MTHFD2L: variants seen among roughly 807,000 people sequenced by gnomAD.
The protein encoded by MTHFD2L is bifunctional methylenetetrahydrofolate dehydrogenase/cyclohydrolase 2, mitochondrial.
MTHFD2L carries 29 observed loss-of-function variants against 34.9 expected under a neutral mutation model. The observed-to-expected ratio is 0.83, with a 90% CI of 0.62 to 1.13. MTHFD2L has a LOEUF of 1.13. Ranked by LOEUF, MTHFD2L falls within the 50% of genes most tolerant of loss-of-function variation. The pLI is 0.00. For synonymous variants in MTHFD2L, 167 were observed against 155.7 expected (o/e 1.07, Z -0.54); for missense variants, 481 against 446.5 (o/e 1.08, Z -0.70).
chr4:74,232,312 T>C (rs1222364356), intron 6 of MTHFD2L, among the ~76,000 whole-genome samples: 1 of 152,160 alleles, frequency 6.6e-6, no homozygotes, highest in Admixed American at 6.5e-5. Flanking sequence ...CCTGGATGAA[T>C]TCCTTATTGC....
rs1038038658 is a variant in MTHFD2L at position 74,199,695 on chromosome 4, G to A, written c.452-99G>A. On this transcript the variant is annotated intron_variant, in intron 3 of 7. Coordinates refer to ENST00000325278, the MANE Select transcript of MTHFD2L (RefSeq NM_001144978.3). ...ATGACTTTACACCTTTTTTAGAGCC[G>A]AATTATAAGTGATGTGGCTTTAGAT... is the stretch of plus-strand genomic sequence containing the variant. 74 of 1,027,906 alleles carry A rather than the reference G, an allele frequency of 7.2e-5. 1 individual carries two copies. The Middle Eastern group carries it at 2.0e-3, about 28-fold the overall frequency. 63.7% of individuals were successfully genotyped at this position (1,027,906 alleles called of 1,614,324 possible).
intron 1 of MTHFD2L, among the ~76,000 whole-genome samples, chr4:74,131,960 A>G (rs953753623): frequency 6.6e-6 from 1 of 152,242 alleles, no homozygotes; most frequent in African/African-American, 2.4e-5. Flanking sequence ...GAAGACATTT[A>G]TGCGGCCAAA....
At chr4:74,221,324 A>G (rs528662479) in intron 5 of MTHFD2L, among the ~76,000 whole-genome samples, 62 of 151,872 alleles carry the variant, frequency 4.1e-4, no homozygotes, top group Non-Finnish European at 7.2e-4. Flanking sequence ...TAAGTTATTG[A>G]CATTTTCTGT....
chr4:74,196,158 G>A (rs1022535406), intron 3 of MTHFD2L, among the ~76,000 whole-genome samples: 1 of 152,134 alleles, frequency 6.6e-6, no homozygotes, highest in Non-Finnish European at 1.5e-5. Flanking sequence ...CTGAACTAGT[G>A]TGCTAAGTAT....
In MTHFD2L at chr4:74,243,821, G is replaced by A. The variant is rs865773733; in HGVS notation, c.805+18427G>A. 1.1e-4 allele frequency among the ~76,000 whole-genome samples: 16 copies of A among 152,074 alleles called. 1 individual carries two copies. Among genetic ancestry groups the A allele is most frequent in the African/African-American group, 1.9e-4 (8 of 41,406 alleles). ...AGCATTTTTATTCTCTCAAAGCACC[G>A]GTTCTTTCTTGACTTTGGCTTGTAC... On this transcript the variant is annotated intron_variant, in intron 6 of 7. Coordinates refer to ENST00000325278, the MANE Select transcript of MTHFD2L (RefSeq NM_001144978.3).
chr4:74,237,822 A>C (rs763946197), intron 6 of MTHFD2L, among the ~76,000 whole-genome samples: 14 of 152,202 alleles, frequency 9.2e-5, no homozygotes, highest in Non-Finnish European at 1.6e-4. Context: ...GCACCTGCAG[A>C]GTTCAAAAAA....
intron 1 of MTHFD2L, among the ~76,000 whole-genome samples, chr4:74,126,335 A>C (rs1363549184): frequency 3.9e-5 from 6 of 152,196 alleles, no homozygotes; most frequent in African/African-American, 1.4e-4. Flanking sequence ...TATGTGAACT[A>C]TATATACATT....
At chr4:74,272,105 G>A (rs191698386) in intron 6 of MTHFD2L, among the ~76,000 whole-genome samples, 1 of 152,284 alleles carries the variant, frequency 6.6e-6, no homozygotes, top group Admixed American at 6.5e-5. Flanking sequence ...GTATTGGTAA[G>A]TCTACGTCGC....
chr4:74,238,977 A>G (rs1560519698), intron 6 of MTHFD2L, among the ~76,000 whole-genome samples: 1 of 152,234 alleles, frequency 6.6e-6, no homozygotes, highest in Admixed American at 6.5e-5. Context: ...CAGCGATCCC[A>G]TTACTGGGTA....
At chr4:74,130,794 A>G (rs1428531591) in intron 1 of MTHFD2L, among the ~76,000 whole-genome samples, 1 of 152,200 alleles carries the variant, frequency 6.6e-6, no homozygotes, top group Non-Finnish European at 1.5e-5. Flanking sequence ...AGGGAGTCAA[A>G]TTGTCTCTAT....
chr4:74,203,005 A>G (rs1490833068), intron 5 of MTHFD2L, among the ~76,000 whole-genome samples: 1 of 152,192 alleles, frequency 6.6e-6, no homozygotes, highest in African/African-American at 2.4e-5. Context: ...CATGATACTT[A>G]TGACATAATT....
chr4:74,268,295 A>G (rs1007349938), intron 6 of MTHFD2L: 6 of 952,722 alleles, frequency 6.3e-6, no homozygotes, highest in Non-Finnish European at 7.5e-6. Context: ...AGAAGCATAC[A>G]TTCACACAAA....
intron 5 of MTHFD2L, among the ~76,000 whole-genome samples, chr4:74,217,529 ACCG>A (rs915712436): frequency 3.3e-5 from 5 of 151,754 alleles, no homozygotes; most frequent in African/African-American, 9.7e-5. Flanking sequence ...TTTAAACCAC[ACCG>A]TGACATGAAC....
At chr4:74,174,730 T>C (rs779424392) in intron 2 of MTHFD2L, 40 bp downstream of exon 2, 1 of 1,282,326 alleles carries the variant, frequency 7.8e-7, no homozygotes, top group East Asian at 2.8e-5. Flanking sequence ...CTAAATATGT[T>C]TTCTGTTTTT....
At chr4:74,288,314 G>A (rs1328581092) in intron 7 of MTHFD2L, 1 of 152,110 alleles carries the variant, frequency 6.6e-6, no homozygotes, top group East Asian at 1.9e-4. Flanking sequence ...AAGTGAAAGA[G>A]AGAGCCCAGA....
At chr4:74,270,599 T>C (rs1745847601) in intron 6 of MTHFD2L, among the ~76,000 whole-genome samples, 1 of 152,204 alleles carries the variant, frequency 6.6e-6, no homozygotes, top group Non-Finnish European at 1.5e-5. Context: ...GTTCCAAGTC[T>C]TTGCTATTGT....
upstream of MTHFD2L, chr4:74,158,030 G>A (rs1199290340): frequency 4.7e-6 from 7 of 1,475,978 alleles, no homozygotes; most frequent in African/African-American, 2.8e-5. Flanking sequence ...GCTGGGAAGC[G>A]CTACTTGCTG....
chr4:74,126,812 T>G (rs1722110703), intron 1 of MTHFD2L, among the ~76,000 whole-genome samples: 1 of 152,148 alleles, frequency 6.6e-6, no homozygotes, highest in African/African-American at 2.4e-5. Flanking sequence ...GTACATATTT[T>G]GGGGATACTT....
intron 1 of MTHFD2L, among the ~76,000 whole-genome samples, chr4:74,134,494 T>C (rs1244706994): frequency 6.6e-6 from 1 of 152,188 alleles, no homozygotes; most frequent in East Asian, 1.9e-4. Context: ...CATAAGCAAC[T>C]GTATTCAATA....
Sources: gnomAD v4.1 joint callset for allele counts (sites outside exome capture counted in the v4.1 genomes callset) on GRCh38, gnomAD v4.1.1 for gene constraint, MANE v1.5 for transcripts, NCBI Gene and HGNC (gene_info 2026-07-23, HGNC 2026-07-21) for gene names.